Variants in TMEM184B observed in about 807,000 individuals in gnomAD.
TMEM184B encodes the protein transmembrane protein 184B, also known as putative MAPK-activating protein FM08.
TMEM184B carries 17 observed loss-of-function variants against 41.8 expected under a neutral mutation model. The observed-to-expected ratio is 0.41, with a 90% CI of 0.28 to 0.61. The LOEUF is 0.61. Among genes scored for constraint, TMEM184B ranks in the 20% least tolerant of loss-of-function variants. TMEM184B has a pLI of 0.34. For missense variants in TMEM184B, 393 were observed against 557.8 expected, an observed-to-expected ratio of 0.70 and a Z score of 2.98; for synonymous variants, 240 against 229.5, an observed-to-expected ratio of 1.05 and a Z score of -0.41.
chr22:38,249,702 G>C (rs2092120040), intron 1 of TMEM184B, among the ~76,000 whole-genome samples: 1 of 152,210 alleles, frequency 6.6e-6, no homozygotes, highest in African/African-American at 2.4e-5. Flanking sequence ...GAACTGTGAG[G>C]AAGGAGGCAG....
intron 3 of TMEM184B, among the ~76,000 whole-genome samples, chr22:38,241,576 TCTGTCAGAACAAGA>T (rs539850670): frequency 1.7e-3 from 251 of 149,822 alleles, no homozygotes; most frequent in African/African-American, 5.3e-3. Flanking sequence ...CACGCCTGTG[TCTGTCAGAACAAGA>T]CCTGTCTCTT....
chr22:38,256,584 C>T (rs1399732028), intron 1 of TMEM184B, among the ~76,000 whole-genome samples: 1 of 152,188 alleles, frequency 6.6e-6, no homozygotes, highest in Admixed American at 6.5e-5. Context: ...CTGATACAAA[C>T]TGAGTCCCTC....
intron 1 of TMEM184B, among the ~76,000 whole-genome samples, chr22:38,254,648 A>G (rs927778497): frequency 1.4e-4 from 21 of 152,168 alleles, no homozygotes; most frequent in Non-Finnish European, 1.6e-4. Flanking sequence ...ATCATTAGCC[A>G]TTAAGGAAAT....
intron 3 of TMEM184B, among the ~76,000 whole-genome samples, chr22:38,243,603 T>C (rs2091962655): frequency 6.6e-6 from 1 of 152,164 alleles, no homozygotes; most frequent in African/African-American, 2.4e-5. Context: ...ACTTGGCTGC[T>C]TCCAGAAATA....
intron 3 of TMEM184B, 59 bp from the exon 4 acceptor site, chr22:38,231,393 T>C (rs778191702): frequency 1.0e-5 from 14 of 1,388,850 alleles, no homozygotes; most frequent in South Asian, 2.3e-5. Flanking sequence ...CCGCAGATGC[T>C]GGGATTCTAA....
At chr22:38,224,693 C>T (rs1200524464) in intron 8 of TMEM184B, 92 bp downstream of exon 8, 3 of 1,342,280 alleles carry the variant, frequency 2.2e-6, no homozygotes, top group African/African-American at 3.0e-5. Context: ...GACCCAGCCG[C>T]ACCTGTAGGA....
In TMEM184B at chr22:38,225,781, G is replaced by A. The variant is rs1293094180; in HGVS notation, c.618-188C>T. Among the ~76,000 whole-genome samples the A allele has an allele frequency of 1.3e-5, 2 of 152,192 alleles. No individual in the cohort carries two copies. Among genetic ancestry groups the A allele is most frequent in the African/African-American group, 4.8e-5 (2 of 41,444 alleles). On this transcript the variant is annotated intron_variant, in intron 6 of 8. Transcript: ENST00000361906. This position sits in a 1 kb window ranked among gnomAD's most constrained non-coding sequence, Gnocchi z 4.4. ...GGGTGGGGGTACATGGGGTGCGCCT[G>A]CAGGCCAGACCAGCTCTACTGCCTC...
intron 8 of TMEM184B, chr22:38,222,127 C>A (rs147082376): frequency 4.7e-6 from 1 of 210,560 alleles, no homozygotes; most frequent in African/African-American, 2.3e-5. Flanking sequence ...AGGTGCCAGG[C>A]GCGTCCCCCA....
chr22:38,230,631 T>G, intron 5 of TMEM184B, 38 bp downstream of exon 5: 1 of 1,588,324 alleles, frequency 6.3e-7, no homozygotes, highest in Non-Finnish European at 8.6e-7. Flanking sequence ...GACCCCGCCC[T>G]GCTCCTCCTG....
chr22:38,226,627 C>T lies in TMEM184B; in HGVS notation c.617+152G>A. Reference sequence around the variant, plus strand: ...GCGGGGCCAACTGCAAGGGTGTCCACTGCTGGGCTCAGACTTCAGGGGGGT... The same window carrying T: ...GCGGGGCCAACTGCAAGGGTGTCCATTGCTGGGCTCAGACTTCAGGGGGGT... On this transcript the variant is annotated intron_variant, in intron 6 of 8. Transcript: ENST00000361906. The surrounding 1 kb of genome is among the most constrained non-coding windows in gnomAD (Gnocchi z 4.6). 2.7e-6 allele frequency: 2 copies of T among 736,366 alleles called. No individual in the cohort carries two copies. Among genetic ancestry groups the T allele is most frequent in the Non-Finnish European group, 4.4e-6 (2 of 449,734 alleles). The allele number at this position is 736,366 out of a possible 1,614,324, so 45.6% of individuals were successfully genotyped here.
At chr22:38,246,986 G>T (rs1267338732) in intron 2 of TMEM184B, 3 of 691,734 alleles carry the variant, frequency 4.3e-6, no homozygotes, top group Non-Finnish European at 6.5e-6. Context: ...CAGCTGGCAA[G>T]GGGCTGACTA....
chr22:38,220,719 G>A lies in TMEM184B; in HGVS notation c.*750C>T. On this transcript the variant is annotated 3_prime_UTR_variant, in exon 9 of 9. Transcript: ENST00000361906. ...GAGGAAGGACCCAAGTGAGCCGGCAGTGCGGGCTGTGGGCTGTCCTTGGTA... is the reference window on the plus strand; with the variant it reads ...GAGGAAGGACCCAAGTGAGCCGGCAATGCGGGCTGTGGGCTGTCCTTGGTA... The A allele has an allele frequency of 2.0e-6, 2 of 986,370 alleles. No individual in the cohort carries two copies. The highest frequency in any genetic ancestry group is 2.4e-6 in the Non-Finnish European group (2 of 830,302). 61.1% of individuals were successfully genotyped at this position (986,370 alleles called of 1,614,324 possible). A position where few individuals can be genotyped will look rare whatever the true frequency, so the allele number is the denominator to read the frequency against.
At chr22:38,257,227 A>G (rs1007661724) in intron 1 of TMEM184B, among the ~76,000 whole-genome samples, 2 of 151,900 alleles carry the variant, frequency 1.3e-5, no homozygotes, top group Admixed American at 6.6e-5. Flanking sequence ...TTTCTAGTCC[A>G]TTAAAAATTT....
chr22:38,269,397 G>C (rs1602513067), intron 1 of TMEM184B, among the ~76,000 whole-genome samples: 1 of 152,198 alleles, frequency 6.6e-6, no homozygotes, highest in East Asian at 1.9e-4. Context: ...ATTTTTTTTA[G>C]TAGAGACTGG....
At chr22:38,230,610 AG>A in intron 5 of TMEM184B, 58 bp downstream of exon 5, 1 of 1,549,034 alleles carries the variant, frequency 6.5e-7, no homozygotes, top group Non-Finnish European at 8.8e-7. Flanking sequence ...AGCCCACGGC[AG>A]GGCCTCCCAG....
intron 5 of TMEM184B, among the ~76,000 whole-genome samples, chr22:38,230,329 C>A (rs981428365): frequency 3.3e-5 from 5 of 152,240 alleles, no homozygotes; most frequent in Non-Finnish European, 7.3e-5. Flanking sequence ...CCTCCTGCCC[C>A]CTAGCTGCAG....
intron 3 of TMEM184B, among the ~76,000 whole-genome samples, chr22:38,236,488 GT>G (rs373747514): frequency 6.1e-5 from 9 of 148,702 alleles, no homozygotes; most frequent in East Asian, 2.0e-4. Context: ...TCCTTTTTTT[GT>G]TTTTTTTTTC....
At chr22:38,250,150 C>T (rs527995976) in intron 1 of TMEM184B, among the ~76,000 whole-genome samples, 1 of 152,248 alleles carries the variant, frequency 6.6e-6, no homozygotes, top group Admixed American at 6.5e-5. Context: ...CTGACACCAA[C>T]GGAGGTTTCC....
At chr22:38,245,889 C>G (rs1249472410) in intron 3 of TMEM184B, 46 bp downstream of exon 3, 4 of 941,656 alleles carry the variant, frequency 4.2e-6, no homozygotes, top group Admixed American at 2.2e-5. Context: ...GGGCTCCCAG[C>G]CCCCCAGCCC....
Sources: gnomAD v4.1 joint callset for allele counts (sites outside exome capture counted in the v4.1 genomes callset) on GRCh38, gnomAD v4.1.1 for gene constraint, Gnocchi (gnomAD v3.1) non-coding constraint, MANE v1.5 for transcripts, NCBI Gene and HGNC (gene_info 2026-07-23, HGNC 2026-07-21) for gene names.